The following CYBB variants were observed in gnomAD, a reference collection of about 807,000 sequenced individuals.
CYBB encodes the protein cytochrome b-245 beta chain.
Under a neutral mutation model 46.5 loss-of-function variants are expected in CYBB, and 5 were observed. The observed-to-expected ratio is 0.11, with a 90% confidence interval of 0.06 to 0.23. The LOEUF is 0.23. Among genes scored for constraint, CYBB ranks in the 10% least tolerant of loss-of-function variants. CYBB has a pLI of 1.00. For synonymous variants in CYBB, 183 were observed against 156.7 expected (o/e 1.17, Z -1.26); for missense variants, 307 against 428.3 (o/e 0.72, Z 2.50).
chrX:37,793,361 A>G lies in CYBB; in HGVS notation c.338-304A>G, dbSNP rs34097325. Among the ~76,000 whole-genome samples the G allele has an allele frequency of 0.034, 3,773 of 110,234 alleles. 67 individuals carry two copies. The highest frequency in any genetic ancestry group is 0.055 in the Non-Finnish European group (2,897 of 52,637). On this transcript the variant is annotated intron_variant, in intron 4 of 12. Coordinates refer to ENST00000378588, the MANE Select transcript of CYBB (RefSeq NM_000397.4). ...TTCAGAAACTAAGGCTATTGTGTAGAATCTTATAACTTGATTGAGTCTTTA... is the reference window on the plus strand; with the variant it reads ...TTCAGAAACTAAGGCTATTGTGTAGGATCTTATAACTTGATTGAGTCTTTA...
intron 10 of CYBB, among the ~76,000 whole-genome samples, chrX:37,805,567 A>C (rs1929542233): frequency 8.9e-6 from 1 of 111,784 alleles, no homozygotes; most frequent in African/African-American, 3.3e-5. Flanking sequence ...AACATTATAG[A>C]AAGTGTTTTT....
chrX:37,810,006 ACTT>A (rs1464364194), intron 12 of CYBB, among the ~76,000 whole-genome samples: 3 of 111,842 alleles, frequency 2.7e-5, no homozygotes, highest in African/African-American at 9.8e-5. Flanking sequence ...TAGTGTATCT[ACTT>A]CTTTTAAAGA....
chrX:37,790,388 A>G (rs782651668), intron 3 of CYBB, among the ~76,000 whole-genome samples: 4 of 111,775 alleles, frequency 3.6e-5, no homozygotes, highest in Non-Finnish European at 5.6e-5. Flanking sequence ...AAAGGGCATT[A>G]ACCTTTTATA....
intron 4 of CYBB, among the ~76,000 whole-genome samples, chrX:37,792,815 C>T (rs782624515): frequency 1.6e-4 from 18 of 110,733 alleles, no homozygotes; most frequent in African/African-American, 5.9e-4. Context: ...GTAGATCTGG[C>T]AGGCTTTTTT....
At chrX:37,794,518 CA>C (rs1333448859) in intron 5 of CYBB, among the ~76,000 whole-genome samples, 5 of 111,513 alleles carry the variant, frequency 4.5e-5, no homozygotes, top group Non-Finnish European at 7.5e-5. Flanking sequence ...AAGTAGGGAA[CA>C]TCCTGGCCTA....
At position 37,796,060 on chromosome X, in the gene CYBB, G is replaced by A. The variant is rs146275471; in HGVS notation, c.593G>A (p.Arg198Gln). The change falls in exon 6 of 13, where the codon CGG becomes CAG. Residue 198 changes from arginine (R) to glutamine (Q), a missense_variant. Arg to Gln is a conservative substitution (Grantham distance 43). Transcript: ENST00000378588. Reference sequence around the variant, plus strand: ...ATCACTTCCTCCACCAAAACCATCCGGAGGTCTTACTTTGAAGTCTTTTGG... The same window carrying A: ...ATCACTTCCTCCACCAAAACCATCCAGAGGTCTTACTTTGAAGTCTTTTGG... ...LIITSSTKTI[R>Q]RSYFEVFWYT... 10 of 1,209,226 alleles carry A rather than the reference G, an allele frequency of 8.3e-6. No individual in the cohort carries two copies. The highest frequency in any genetic ancestry group is 3.5e-5 in the South Asian group (2 of 56,961).
At position 37,810,879 on chromosome X, in the gene CYBB, C is replaced by T. The variant is rs760298475; in HGVS notation, c.1675C>T (p.Arg559Trp). ...QSISNSESGP[R>W]GVHFIFNKEN... ...CATCTCCAACTCTGAGTCTGGCCCT[C>T]GGGGAGTGCATTTCATTTTCAACAA... The change falls in exon 13 of 13, where the codon CGG becomes TGG. Residue 559 changes from arginine to tryptophan, a missense_variant. Coordinates refer to ENST00000378588, the MANE Select transcript of CYBB (RefSeq NM_000397.4). 15 of 1,206,075 alleles carry T rather than the reference C, an allele frequency of 1.2e-5. No individual in the cohort carries two copies. In the Admixed American group the frequency reaches 1.8e-4, roughly 14 times the overall value.
At chrX:37,784,360 A>G (rs1220568970) in intron 3 of CYBB, among the ~76,000 whole-genome samples, 6 of 111,870 alleles carry the variant, frequency 5.4e-5, no homozygotes, top group African/African-American at 2.0e-4. Context: ...GCAAGAGAGA[A>G]GTTGTGTCAG....
chrX:37,796,644 G>A (rs1312355462), intron 6 of CYBB, among the ~76,000 whole-genome samples: 1 of 111,914 alleles, frequency 8.9e-6, no homozygotes, highest in African/African-American at 3.3e-5. Context: ...AAAATATGTG[G>A]TTGTTGCCTT....
At chrX:37,801,381 G>A (rs1355762088) in intron 8 of CYBB, 33 bp downstream of exon 8, 7 of 960,285 alleles carry the variant, frequency 7.3e-6, no homozygotes, top group Non-Finnish European at 1.0e-5. Context: ...CTAGTGGTCA[G>A]TGTCTAACTA....
chrX:37,780,175 T>C, intron 1 of CYBB, 53 bp downstream of exon 1: 1 of 1,046,559 alleles, frequency 9.6e-7, no homozygotes, highest in East Asian at 3.0e-5. Context: ...CGGGGTTATC[T>C]TGGAACTAAA....
At chrX:37,783,380 C>T (rs1928995144) in intron 2 of CYBB, 110 bp from the exon 3 acceptor site, 2 of 543,550 alleles carry the variant, frequency 3.7e-6, no homozygotes, top group Admixed American at 5.2e-5. Context: ...CTGTACAGAT[C>T]ACTTGGTGTC....
chrX:37,782,955 T>A (rs1928984020), intron 2 of CYBB, among the ~76,000 whole-genome samples: 1 of 111,971 alleles, frequency 8.9e-6, no homozygotes, highest in African/African-American at 3.2e-5. Flanking sequence ...ATAATAATTA[T>A]AATGCCAAAG....
At chrX:37,789,563 A>G (rs968885726) in intron 3 of CYBB, among the ~76,000 whole-genome samples, 22 of 110,578 alleles carry the variant, frequency 2.0e-4, no homozygotes, top group Non-Finnish European at 3.2e-4. Flanking sequence ...ACTATAAAGG[A>G]ACATGGCAAT....
rs11338914 is a variant in CYBB at position 37,813,208 on chromosome X, CTTTTTTTTTTTTTT to C, written c.*2301_*2314del. The C allele has an allele frequency of 1.6e-5, 1 of 64,182 alleles. No homozygotes were observed. Among genetic ancestry groups the C allele is most frequent in the East Asian group, 4.6e-4 (1 of 2,160 alleles). 5.3% of individuals were successfully genotyped at this position (64,182 alleles called of 1,213,427 possible). The stretch of plus-strand genomic sequence containing the variant: ...CACCAGCAGCCAGCTGCCAGCCTAG[CTTTTTTTTTTTTTT>C]TTTTTTTTTAGCACTTAGTATTTAG... On this transcript the variant is annotated 3_prime_UTR_variant, in exon 13 of 13. Transcript: ENST00000378588.
chrX:37,801,191 C>G, intron 7 of CYBB, 65 bp from the exon 8 acceptor site: 1 of 787,143 alleles, frequency 1.3e-6, no homozygotes, highest in Non-Finnish European at 2.0e-6. Context: ...ATTTTTCTCC[C>G]TCTGAATATT....
At chrX:37,793,550 TC>T in intron 4 of CYBB, 114 bp from the exon 5 acceptor site, 1 of 810,889 alleles carries the variant, frequency 1.2e-6, no homozygotes, top group Non-Finnish European at 1.8e-6. Flanking sequence ...GTCCTGGGCC[TC>T]CCTTTGTCTC....
chrX:37,782,065 T>C (rs782325339), intron 1 of CYBB, 23 bp from the exon 2 acceptor site: 2 of 1,157,267 alleles, frequency 1.7e-6, no homozygotes, highest in Non-Finnish European at 1.2e-6. Flanking sequence ...GGAAACTTCA[T>C]GCAATTATTT....
chrX:37,783,961 C>G (rs1929007473), intron 3 of CYBB, among the ~76,000 whole-genome samples: 1 of 111,031 alleles, frequency 9.0e-6, no homozygotes, highest in Non-Finnish European at 1.9e-5. Context: ...CAGTGTCATT[C>G]AAAAAAATTT....
Sources: allele counts gnomAD v4.1 joint callset (sites outside exome capture counted in the v4.1 genomes callset), GRCh38; gene constraint gnomAD v4.1.1; transcripts MANE v1.5; gene names NCBI Gene and HGNC (gene_info 2026-07-23, HGNC 2026-07-21).